RBFOX1: variants seen among roughly 807,000 people sequenced by gnomAD.
RBFOX1 encodes the protein RNA binding fox-1 homolog 1.
Under a neutral mutation model 57.7 loss-of-function variants are expected in RBFOX1, and 8 were observed. The ratio of observed to expected loss-of-function variants is 0.14; its 90% CI spans 0.08 to 0.25. RBFOX1 has a LOEUF of 0.25. Among genes scored for constraint, RBFOX1 ranks in the 10% least tolerant of loss-of-function variants. The pLI, the probability that RBFOX1 is intolerant of heterozygous loss-of-function variation, is 1.00. For synonymous variants in RBFOX1, 326 were observed against 222.4 expected (o/e 1.47, Z -4.15); for missense variants, 611 against 548.5 (o/e 1.11, Z -1.14).
intron 3 of RBFOX1, among the ~76,000 whole-genome samples, chr16:6,972,545 A>G (rs990432501): frequency 3.9e-5 from 6 of 152,144 alleles, no homozygotes; most frequent in Non-Finnish European, 7.4e-5. Context: ...TGCTTTGAAC[A>G]TGGGGATACA....
intron 4 of RBFOX1, among the ~76,000 whole-genome samples, chr16:7,474,314 A>G (rs12596068): frequency 0.4 from 60,666 of 151,892 alleles, 12,419 homozygotes; most frequent in Non-Finnish European, 0.45. Context: ...AACAAACAAA[A>G]AGCAGCCCCC....
At chr16:5,352,928 A>G (rs1250684572) in intron 1 of RBFOX1, among the ~76,000 whole-genome samples, 1 of 151,736 alleles carries the variant, frequency 6.6e-6, no homozygotes, top group Non-Finnish European at 1.5e-5. Context: ...GGGTGATGGA[A>G]TGAGACCCTG....
chr16:5,545,414 G>C (rs2045153378), intron 2 of RBFOX1, among the ~76,000 whole-genome samples: 1 of 152,042 alleles, frequency 6.6e-6, no homozygotes, highest in South Asian at 2.1e-4. Context: ...TATAAGAAGA[G>C]GAAACTGAAG....
chr16:5,903,701 G>C (rs918898921), intron 4 of RBFOX1, among the ~76,000 whole-genome samples: 1 of 152,118 alleles, frequency 6.6e-6, no homozygotes, highest in Admixed American at 6.5e-5. Context: ...CCTTAGATAT[G>C]TGACCCCATT....
intron 3 of RBFOX1, among the ~76,000 whole-genome samples, chr16:5,741,378 CT>C (rs1180941055): frequency 1.3e-5 from 2 of 152,264 alleles, no homozygotes; most frequent in East Asian, 1.9e-4. Context: ...ATGCTAATTA[CT>C]TTTTTTCCCA....
chr16:5,553,654 A>G (rs1327741767), intron 2 of RBFOX1, among the ~76,000 whole-genome samples: 1 of 134,536 alleles, frequency 7.4e-6, no homozygotes, highest in African/African-American at 3.0e-5. Flanking sequence ...AGCTAAAACC[A>G]TCAGATAGAA....
intron 3 of RBFOX1, among the ~76,000 whole-genome samples, chr16:5,790,805 G>A (rs1425043594): frequency 6.6e-6 from 1 of 151,964 alleles, no homozygotes; most frequent in Non-Finnish European, 1.5e-5. Context: ...CAGAGTCACT[G>A]CTGCTGCTCT....
chr16:6,718,964 A>T (rs976955989), intron 3 of RBFOX1, among the ~76,000 whole-genome samples: 2 of 151,888 alleles, frequency 1.3e-5, no homozygotes, highest in African/African-American at 2.4e-5. Flanking sequence ...CGGGGCTCAA[A>T]CAATCCTCCC....
chr16:7,616,774 C>G (rs538047507), intron 10 of RBFOX1, among the ~76,000 whole-genome samples: 1 of 152,148 alleles, frequency 6.6e-6, no homozygotes, highest in African/African-American at 2.4e-5. Context: ...TCAAGCAACC[C>G]TCCCACCTCG....
intron 4 of RBFOX1, among the ~76,000 whole-genome samples, chr16:7,338,392 GTTTTTA>G (rs2144958557): frequency 6.6e-6 from 1 of 152,132 alleles, no homozygotes; most frequent in Admixed American, 6.5e-5. Flanking sequence ...TATACTCCAT[GTTTTTA>G]TTTTTATTTC....
chr16:6,175,746 T>C (rs751028849), intron 1 of RBFOX1, among the ~76,000 whole-genome samples: 1 of 152,202 alleles, frequency 6.6e-6, no homozygotes, highest in African/African-American at 2.4e-5. Context: ...TGCTGCTGGT[T>C]GTACTGGTCT....
At chr16:5,513,453 GT>G (rs1454063825) in intron 2 of RBFOX1, among the ~76,000 whole-genome samples, 1 of 152,150 alleles carries the variant, frequency 6.6e-6, no homozygotes, top group East Asian at 1.9e-4. Context: ...AGCTGTGTTT[GT>G]CAGGTTCCTC....
intron 4 of RBFOX1, among the ~76,000 whole-genome samples, chr16:7,495,151 TTC>T (rs1275724526): frequency 5.3e-5 from 8 of 152,208 alleles, no homozygotes; most frequent in African/African-American, 1.9e-4. Context: ...CATGATTTCA[TTC>T]TGTTTTATGG....
intron 1 of RBFOX1, among the ~76,000 whole-genome samples, chr16:6,054,594 G>A (rs1301203664): frequency 6.6e-6 from 1 of 152,098 alleles, no homozygotes; most frequent in Non-Finnish European, 1.5e-5. Context: ...TGGGTCTATG[G>A]AGGTGCAAAC....
At chr16:6,279,984 C>T (rs752854657) in intron 1 of RBFOX1, among the ~76,000 whole-genome samples, 12 of 151,180 alleles carry the variant, frequency 7.9e-5, no homozygotes, top group East Asian at 1.9e-4. Flanking sequence ...CAAATAGGAG[C>T]GTGGACTGGG....
chr16:5,719,499 T>A (rs973787650), intron 3 of RBFOX1, among the ~76,000 whole-genome samples: 2 of 151,824 alleles, frequency 1.3e-5, no homozygotes, highest in Non-Finnish European at 2.9e-5. Context: ...CATGAGCCAC[T>A]GCCCTAGAAT....
intron 3 of RBFOX1, among the ~76,000 whole-genome samples, chr16:7,036,874 G>T (rs1040880248): frequency 3.9e-5 from 6 of 152,330 alleles, no homozygotes; most frequent in Non-Finnish European, 5.9e-5. Context: ...AGTGGATGAT[G>T]AGCCCCTTGG....
At chr16:5,944,767 A>G (rs2152269432) in intron 4 of RBFOX1, among the ~76,000 whole-genome samples, 1 of 132,112 alleles carries the variant, frequency 7.6e-6, no homozygotes, top group South Asian at 2.7e-4. Context: ...ATCCTGGCCA[A>G]CTTGGTGAAA....
At chr16:6,648,927 A>G (rs1449616850) in intron 2 of RBFOX1, among the ~76,000 whole-genome samples, 4 of 152,188 alleles carry the variant, frequency 2.6e-5, no homozygotes, top group South Asian at 4.1e-4. Context: ...AGCCAATATC[A>G]TATACATTAC....
Sources: gnomAD v4.1 joint callset for allele counts (sites outside exome capture counted in the v4.1 genomes callset) on GRCh38, gnomAD v4.1.1 for gene constraint, MANE v1.5 for transcripts, NCBI Gene and HGNC (gene_info 2026-07-23, HGNC 2026-07-21) for gene names.